Variants in THSD7B observed in about 807,000 individuals in gnomAD.
THSD7B encodes thrombospondin type 1 domain containing 7B.
In THSD7B, 138 loss-of-function variants were observed where a neutral mutation model predicts 213.6. The ratio of observed to expected loss-of-function variants is 0.65; its 90% CI spans 0.56 to 0.74. The LOEUF is 0.74. THSD7B is among the 30% of genes least tolerant of loss of function. The probability of loss-of-function intolerance (pLI) is 0.00; values close to 1 mark genes in which losing one functional copy is unlikely to be tolerated. For missense variants in THSD7B, 1,931 were observed against 1,991.5 expected, an observed-to-expected ratio of 0.97 and a Z score of 0.58; for synonymous variants, 742 against 687.0, an observed-to-expected ratio of 1.08 and a Z score of -1.25.
At chr2:137,278,510 G>A (rs1682924195) in intron 12 of THSD7B, among the ~76,000 whole-genome samples, 1 of 152,114 alleles carries the variant, frequency 6.6e-6, no homozygotes, top group Non-Finnish European at 1.5e-5. Context: ...TACCTTCATA[G>A]CATCCTGTGT....
intron 7 of THSD7B, among the ~76,000 whole-genome samples, chr2:137,185,404 C>G (rs182985299): frequency 2.6e-5 from 4 of 152,044 alleles, no homozygotes; most frequent in Non-Finnish European, 5.9e-5. Flanking sequence ...TCCCTTGCCC[C>G]CTTTTATACT....
At chr2:136,785,084 G>A (rs898391500) in intron 1 of THSD7B, among the ~76,000 whole-genome samples, 23 of 152,292 alleles carry the variant, frequency 1.5e-4, no homozygotes, top group South Asian at 6.2e-4. Context: ...CTTCTGGCCC[G>A]CAGGAGTCTG....
intron 1 of THSD7B, among the ~76,000 whole-genome samples, chr2:136,770,409 G>A (rs1681483956): frequency 6.6e-6 from 1 of 152,160 alleles, no homozygotes; most frequent in African/African-American, 2.4e-5. Flanking sequence ...CATGAATACA[G>A]CCTTACTGGT....
intron 1 of THSD7B, among the ~76,000 whole-genome samples, chr2:136,835,407 T>TA (rs1682827544): frequency 6.6e-6 from 1 of 152,218 alleles, no homozygotes; most frequent in Non-Finnish European, 1.5e-5. Context: ...TAGGAGATGT[T>TA]ATGGAGTGTT....
chr2:137,014,257 G>A (rs1461526591), intron 2 of THSD7B, among the ~76,000 whole-genome samples: 1 of 152,162 alleles, frequency 6.6e-6, no homozygotes, highest in Non-Finnish European at 1.5e-5. Flanking sequence ...CAGGCCCCTG[G>A]CTCAGCATTC....
In THSD7B at chr2:137,309,755, G is replaced by A. The variant is rs150364406; in HGVS notation, c.2500+33729G>A. ...CCACCTATGAGTGAGAATGTGCGGTGTTTGGTTTTTTGTTCTTGGCGATAG... is the reference window on the plus strand; with the variant it reads ...CCACCTATGAGTGAGAATGTGCGGTATTTGGTTTTTTGTTCTTGGCGATAG... On this transcript the variant is annotated intron_variant, in intron 12 of 27. Transcript: ENST00000409968. 9.5e-3 allele frequency among the ~76,000 whole-genome samples: 1,450 copies of A among 152,068 alleles called. 23 individuals are homozygous for A. The highest frequency in any genetic ancestry group is 0.033 in the African/African-American group (1,379 of 41,486).
At chr2:137,309,287 G>C (rs1036955913) in intron 12 of THSD7B, among the ~76,000 whole-genome samples, 2 of 151,000 alleles carry the variant, frequency 1.3e-5, no homozygotes, top group Non-Finnish European at 3.0e-5. Context: ...ACTTCTCAGA[G>C]TTTTTTTTCA....
chr2:137,023,921 G>GT (rs34578587), intron 2 of THSD7B, among the ~76,000 whole-genome samples: 10,457 of 147,206 alleles, frequency 0.071, 383 homozygotes, highest in East Asian at 0.15. Flanking sequence ...CGTCCTTCTA[G>GT]TTTTTTTTTT....
rs1388810648 is a variant in THSD7B at position 136,989,375 on chromosome 2, A to T, written c.140-67045A>T. Among the ~76,000 whole-genome samples the T allele has an allele frequency of 2.6e-5, 4 of 152,208 alleles. No homozygotes were observed. The East Asian group carries it at 7.7e-4, about 29-fold the overall frequency. ...CAGTAATGAGTGAATTCTCACTCTG[A>T]GTTCATGTGAGATCTGGTTGTTTAA... is the stretch of plus-strand genomic sequence containing the variant. On this transcript the variant is annotated intron_variant, in intron 2 of 27. Transcript: ENST00000409968.
chr2:137,139,293 C>T (rs1679533429), intron 5 of THSD7B, among the ~76,000 whole-genome samples: 1 of 152,152 alleles, frequency 6.6e-6, no homozygotes, highest in African/African-American at 2.4e-5. Context: ...CAGTTAGTCA[C>T]CTCCATTCTT....
Position 137,665,971 on chromosome 2 carries a change from T to C in THSD7B, c.4652-1803T>C, listed in dbSNP as rs1317065684. ...ATGTGTGTGCTCAGATGCTTGCATA[T>C]ACAGAGAAAAACTAGAAAGATTCAC... On this transcript the variant is annotated intron_variant, in intron 26 of 27. Coordinates refer to ENST00000409968, the MANE Select transcript of THSD7B (RefSeq NM_001316349.2). Among the ~76,000 whole-genome samples, 6 of 152,178 alleles carry C rather than the reference T, an allele frequency of 3.9e-5. No homozygotes were observed. In the East Asian group the frequency reaches 1.2e-3, roughly 29 times the overall value.
chr2:137,613,881 G>C (rs1423112991), intron 17 of THSD7B, among the ~76,000 whole-genome samples: 2 of 152,036 alleles, frequency 1.3e-5, no homozygotes, highest in Non-Finnish European at 1.5e-5. Context: ...AGCTAATAGA[G>C]AGAAAGAAAT....
chr2:137,018,797 C>G (rs1206533530), intron 2 of THSD7B, among the ~76,000 whole-genome samples: 1 of 152,124 alleles, frequency 6.6e-6, no homozygotes, highest in Non-Finnish European at 1.5e-5. Context: ...TGTTGTCTGT[C>G]AAGTGTTATC....
chr2:137,496,857 G>A (rs114221022), intron 15 of THSD7B, among the ~76,000 whole-genome samples: 113 of 152,172 alleles, frequency 7.4e-4, no homozygotes, highest in African/African-American at 2.6e-3. Context: ...CCTATCATGT[G>A]CCCGGTCTTA....
intron 5 of THSD7B, among the ~76,000 whole-genome samples, chr2:137,125,309 T>G (rs973636549): frequency 2.6e-5 from 4 of 152,216 alleles, no homozygotes; most frequent in Non-Finnish European, 4.4e-5. Context: ...ACCCTGCTGC[T>G]GCTTTTTCAA....
At chr2:137,343,094 T>G (rs1490669069) in intron 12 of THSD7B, among the ~76,000 whole-genome samples, 1 of 151,764 alleles carries the variant, frequency 6.6e-6, no homozygotes, top group Non-Finnish European at 1.5e-5. Flanking sequence ...GTTTTTTGTT[T>G]TTTGCATGAG....
intron 2 of THSD7B, among the ~76,000 whole-genome samples, chr2:137,039,791 C>T (rs1032320939): frequency 3.3e-5 from 5 of 152,216 alleles, no homozygotes; most frequent in African/African-American, 1.2e-4. Flanking sequence ...CTTGCTTCCC[C>T]CCGTTTAAAC....
At chr2:137,410,962 C>CA (rs1229538916) in intron 13 of THSD7B, among the ~76,000 whole-genome samples, 2 of 152,180 alleles carry the variant, frequency 1.3e-5, no homozygotes, top group Non-Finnish European at 2.9e-5. Flanking sequence ...TTGTCTTACT[C>CA]AGAGATAGGA....
chr2:137,616,708 C>G (rs1411089094), intron 18 of THSD7B, among the ~76,000 whole-genome samples: 1 of 152,104 alleles, frequency 6.6e-6, no homozygotes, highest in African/African-American at 2.4e-5. Context: ...GAAATCTGAG[C>G]TTGTGAGGTA....
Sources: gnomAD v4.1 joint callset for allele counts (sites outside exome capture counted in the v4.1 genomes callset) on GRCh38, gnomAD v4.1.1 for gene constraint, MANE v1.5 for transcripts, NCBI Gene and HGNC (gene_info 2026-07-23, HGNC 2026-07-21) for gene names.